FBN3: variants seen among roughly 807,000 people sequenced by gnomAD.
The protein encoded by FBN3 is fibrillin 3, also known as fibrillin-3.
In FBN3, 234 loss-of-function variants were observed where a neutral mutation model predicts 330.1. That is an observed-to-expected ratio of 0.71 (90% confidence interval 0.64 to 0.79). The LOEUF is 0.79. Among genes scored for constraint, FBN3 ranks in the 30% least tolerant of loss-of-function variants. FBN3 has a pLI of 0.00. For synonymous variants in FBN3, 1,458 were observed against 1,517.3 expected (o/e 0.96, Z 0.91); for missense variants, 3,606 against 3,886.9 (o/e 0.93, Z 1.92).
Position 8,073,105 on chromosome 19 carries a change from A to G in FBN3, c.7895T>C (p.Phe2632Ser). 7 of 1,613,306 alleles carry G rather than the reference A, an allele frequency of 4.3e-6. No homozygotes were observed. The highest frequency in any genetic ancestry group is 5.9e-6 in the Non-Finnish European group (7 of 1,179,634). Residue 2632 changes from phenylalanine to serine, a missense_variant, in exon 62 of 64, where the codon TTC (phenylalanine) becomes TCC (serine). Transcript: ENST00000600128. ...GTAGCCTTGAGGACAGCCGCACAGG[A>G]AGCCACCAGGCGTGTTGGCACAGCT... Reference protein sequence around the residue: ...SYSCANTPGGFLCGCPQGYFR... With the variant: ...SYSCANTPGGSLCGCPQGYFR...
intron 37 of FBN3, 25 bp downstream of exon 37, chr19:8,108,145 G>C: frequency 6.2e-7 from 1 of 1,603,822 alleles, no homozygotes; most frequent in East Asian, 2.2e-5. Flanking sequence ...CAGACAGATG[G>C]ATGGATGATC....
At chr19:8,135,935 T>TGGGGGGGGGGGGGGGGGGGGGGGGG in intron 13 of FBN3, 26 bp downstream of exon 13, 5 of 1,344,156 alleles carry the variant, frequency 3.7e-6, no homozygotes, top group South Asian at 1.3e-5. Context: ...CGGAAGCCCC[T>TGGGGGGGGGGGGGGGGGGGGGGGGG]GCCCACCCGC....
In FBN3 at chr19:8,138,553, C is replaced by CGG; in HGVS notation, c.875_876dup (p.Gly293ProfsTer114). ...CCGAAAAGCACTGAGAAGCAGGCGCCGGCCCGGTAGTCTGCAAAAGATCAG... is the reference window on the plus strand; with the variant it reads ...CCGAAAAGCACTGAGAAGCAGGCGCCGGGGCCCGGTAGTCTGCAAAAGATCAG... On this transcript the variant is annotated frameshift_variant, in exon 9 of 64. Coordinates refer to ENST00000600128, the MANE Select transcript of FBN3 (RefSeq NM_032447.5). LOFTEE classifies it high-confidence loss of function. 1 of 1,608,432 alleles carries CGG rather than the reference C, an allele frequency of 6.2e-7. No individual in the cohort carries two copies. Among genetic ancestry groups the CGG allele is most frequent in the African/African-American group, 1.3e-5 (1 of 74,988 alleles).
At chr19:8,110,693 T>C (rs1030507485) in intron 34 of FBN3, 152 bp downstream of exon 34, 3 of 954,084 alleles carry the variant, frequency 3.1e-6, no homozygotes, top group African/African-American at 3.2e-5. Context: ...CGGGAAATGA[T>C]GGGGACATCA....
intron 3 of FBN3, 26 bp downstream of exon 3, chr19:8,147,078 C>T (rs370251709): frequency 2.0e-5 from 31 of 1,539,154 alleles, no homozygotes; most frequent in Non-Finnish European, 2.6e-5. Context: ...TGTGCCCCCC[C>T]ACCTCCAGAC....
In FBN3 at chr19:8,072,164, G is replaced by T; in HGVS notation, c.7972C>A (p.Pro2658Thr). The stretch of plus-strand genomic sequence containing the variant: ...TCCTCTTTGTCCGGGGTGTCCTGGG[G>T]TCCGGGGCTGAAGCCCAGGCCGGAG... ...CVSGLGFSPG[P>T]QDTPDKEELL... The change falls in exon 63 of 64, where the codon CCC (proline) becomes ACC (threonine). Residue 2658 changes from proline to threonine, a missense_variant. Coordinates refer to ENST00000600128, the MANE Select transcript of FBN3 (RefSeq NM_032447.5). 1 of 1,587,866 alleles carries T rather than the reference G, an allele frequency of 6.3e-7. No homozygotes were observed.
In FBN3 at chr19:8,073,154, C is replaced by T. The variant is rs142418616; in HGVS notation, c.7846G>A (p.Gly2616Arg). 7.3e-3 allele frequency: 11,814 copies of T among 1,613,844 alleles called. 59 individuals carry two copies. Among genetic ancestry groups the T allele is most frequent in the Non-Finnish European group, 8.3e-3 (9,800 of 1,179,956 alleles). The change falls in exon 62 of 64, where the codon GGA (glycine) becomes AGA (arginine). Residue 2616 changes from glycine (G) to arginine (R), a missense_variant. Transcript: ENST00000600128. ...GGCQEVDECA[G>R]RRGPCSYSCA... is the part of the protein sequence containing the mutation. ...CTGTAGCTACAGGGGCCACGCCGTCCGGCGCACTCATCCACCTCCTGGCAG... is the reference window on the plus strand; with the variant it reads ...CTGTAGCTACAGGGGCCACGCCGTCTGGCGCACTCATCCACCTCCTGGCAG...
At chr19:8,115,315 T>C (rs943825359) in intron 30 of FBN3, among the ~76,000 whole-genome samples, 200 bp downstream of exon 30, 3 of 152,206 alleles carry the variant, frequency 2.0e-5, no homozygotes, top group Non-Finnish European at 4.4e-5. Context: ...CACTTGGGGC[T>C]TCCCTTCCTG....
Position 8,126,484 on chromosome 19 carries a change from G to A in FBN3, c.2538C>T (p.Cys846=), listed in dbSNP as rs754700869. ...ATLGAAWGSP[C]ERCEIDPACA... Reference sequence around the variant, plus strand: ...GGATACTACCGATCTCGCAGCGTTCGCAGGGGCTCCCCCAGGCTGCCCCGA... The same window carrying A: ...GGATACTACCGATCTCGCAGCGTTCACAGGGGCTCCCCCAGGCTGCCCCGA... Residue 846 remains cysteine (C), a synonymous_variant, in exon 20 of 64, where the codon TGC becomes TGT. Coordinates refer to ENST00000600128, the MANE Select transcript of FBN3 (RefSeq NM_032447.5). 2.1e-5 allele frequency: 34 copies of A among 1,612,728 alleles called. No individual in the cohort carries two copies. The highest frequency in any genetic ancestry group is 2.0e-4 in the South Asian group (18 of 90,980).
In FBN3 at chr19:8,096,785, G is replaced by GA; in HGVS notation, c.5413+95dup. On this transcript the variant is annotated intron_variant, in intron 43 of 63. Transcript: ENST00000600128. This position sits in a 1 kb window ranked among gnomAD's most constrained non-coding sequence, Gnocchi z 4.6. ...CATCCCCCACCCCCCTAATAGTATA[G>GA]AAAAGGAGAAAGACCTGGACAGAGC... 1 of 1,434,976 alleles carries GA rather than the reference G, an allele frequency of 7.0e-7. No homozygotes were observed. Among genetic ancestry groups the GA allele is most frequent in the East Asian group, 2.3e-5 (1 of 43,736 alleles). 88.9% of individuals were successfully genotyped at this position (1,434,976 alleles called of 1,614,324 possible).
intron 57 of FBN3, among the ~76,000 whole-genome samples, chr19:8,082,621 G>A (rs1219643350): frequency 1.4e-4 from 22 of 151,998 alleles, no homozygotes; most frequent in South Asian, 2.1e-4. Flanking sequence ...AGCCTCCCGC[G>A]TAGCTGGGAT....
At chr19:8,138,359 C>T (rs1319811974) in intron 9 of FBN3, 36 bp from the exon 10 acceptor site, 3 of 1,609,598 alleles carry the variant, frequency 1.9e-6, no homozygotes, top group South Asian at 1.1e-5. Flanking sequence ...GGCCCTTGGC[C>T]CTCCCCTGTC....
In FBN3 at chr19:8,142,200, C is replaced by T. The variant is rs1363192721; in HGVS notation, c.542-63G>A. ...TGCCCCTGTCTGGAGATCTCTGCGTCTCTAACACCTTCTCAGCGGCCCCTG... is the reference window on the plus strand; with the variant it reads ...TGCCCCTGTCTGGAGATCTCTGCGTTTCTAACACCTTCTCAGCGGCCCCTG... On this transcript the variant is annotated intron_variant, in intron 6 of 63. Coordinates refer to ENST00000600128, the MANE Select transcript of FBN3 (RefSeq NM_032447.5). The T allele has an allele frequency of 7.5e-6, 10 of 1,334,938 alleles. No individual in the cohort carries two copies. The East Asian group carries it at 2.0e-4, about 27-fold the overall frequency. The allele number at this position is 1,334,938 out of a possible 1,614,324, so 82.7% of individuals were successfully genotyped here. A position where few individuals can be genotyped will look rare whatever the true frequency, so the allele number is the denominator to read the frequency against.
chr19:8,089,416 TGG>T, intron 51 of FBN3, 127 bp downstream of exon 51: 2 of 974,230 alleles, frequency 2.1e-6, no homozygotes, highest in South Asian at 1.7e-5. Context: ...AAAAAGTGAA[TGG>T]GGGAGAGAGG....
At chr19:8,106,998 C>T (rs555455903) in intron 37 of FBN3, among the ~76,000 whole-genome samples, 56 of 143,888 alleles carry the variant, frequency 3.9e-4, no homozygotes, top group African/African-American at 1.1e-3. Context: ...TGGGTGAATG[C>T]GGGCTAGATG....
At position 8,126,500 on chromosome 19, in the gene FBN3, G is replaced by C. The variant is rs2082989680; in HGVS notation, c.2522C>G (p.Ala841Gly). Residue 841 changes from alanine to glycine, a missense_variant, in exon 20 of 64, where the codon GCC becomes GGC. Ala to Gly is a moderately conservative substitution (Grantham distance 60). Transcript: ENST00000600128. ...RSECCATLGA[A>G]WGSPCERCEI... is the part of the protein sequence containing the mutation. ...GCAGCGTTCGCAGGGGCTCCCCCAG[G>C]CTGCCCCGAGGGTGGCGCAGCACTC... 6.2e-7 allele frequency: 1 copy of C among 1,613,158 alleles called. No individual in the cohort carries two copies. Among genetic ancestry groups the C allele is most frequent in the African/African-American group, 1.3e-5 (1 of 75,066 alleles).
chr19:8,130,601 A>AAAGGAAGG (rs2083106915), intron 16 of FBN3, among the ~76,000 whole-genome samples: 1 of 12,778 alleles, frequency 7.8e-5, no homozygotes, highest in Non-Finnish European at 1.6e-4. Flanking sequence ...AGAAAGAAAG[A>AAAGGAAGG]AAGAAAGAAA....
At chr19:8,069,169 G>A (rs138398260) in intron 63 of FBN3, among the ~76,000 whole-genome samples, 283 of 152,264 alleles carry the variant, frequency 1.9e-3, no homozygotes, top group African/African-American at 5.8e-3. Flanking sequence ...CAGAAGAGCC[G>A]CCTGATAGCT....
At chr19:8,088,881 G>GAGTGAGTGAATGAATGAGCC (rs1491479001) in intron 51 of FBN3, among the ~76,000 whole-genome samples, 2 of 152,046 alleles carry the variant, frequency 1.3e-5, no homozygotes, top group Non-Finnish European at 2.9e-5. Flanking sequence ...GTAAATGAAT[G>GAGTGAGTGAATGAATGAGCC]AGTGAGTGAA....
Sources: gnomAD v4.1 joint callset for allele counts (sites outside exome capture counted in the v4.1 genomes callset) on GRCh38, gnomAD v4.1.1 for gene constraint, Gnocchi (gnomAD v3.1) non-coding constraint, MANE v1.5 for transcripts, NCBI Gene and HGNC (gene_info 2026-07-23, HGNC 2026-07-21) for gene names.